SAMD5: variants seen among roughly 807,000 people sequenced by gnomAD.
SAMD5 encodes sterile alpha motif domain-containing protein 5.
In SAMD5, 13 loss-of-function variants were observed where a neutral mutation model predicts 11.3. The ratio of observed to expected loss-of-function variants is 1.15; its 90% CI spans 0.75 to 1.83. The LOEUF (loss-of-function observed/expected upper bound fraction) is 1.83, where lower values mean the gene tolerates loss of function less well. Ranked by LOEUF, SAMD5 falls within the 40% of genes most tolerant of loss-of-function variation. The pLI is 0.00. For missense variants in SAMD5, 255 were observed against 239.1 expected, an observed-to-expected ratio of 1.07 and a Z score of -0.44; for synonymous variants, 129 against 111.3, an observed-to-expected ratio of 1.16 and a Z score of -1.00.
At chr6:147,686,610 C>A (rs1433543516) in intron 1 of SAMD5, among the ~76,000 whole-genome samples, 1 of 152,030 alleles carries the variant, frequency 6.6e-6, no homozygotes, top group African/African-American at 2.4e-5. Flanking sequence ...TTTCTGGTTC[C>A]TTTATACTGT....
Position 147,529,416 on chromosome 6 carries a change from T to G in SAMD5, c.459+20029T>G, listed in dbSNP as rs180790498. Reference sequence around the variant, plus strand: ...AGAGTTCGATGAATACCAATTTAAATGTAATTTAGGTGTATTTATCTTCTA... The same window carrying G: ...AGAGTTCGATGAATACCAATTTAAAGGTAATTTAGGTGTATTTATCTTCTA... On this transcript the variant is annotated intron_variant, in intron 1 of 1. Coordinates refer to ENST00000367474, the MANE Select transcript of SAMD5 (RefSeq NM_001030060.3). 5.4e-3 allele frequency among the ~76,000 whole-genome samples: 826 copies of G among 152,338 alleles called. 6 individuals carry two copies. The highest frequency in any genetic ancestry group is 0.018 in the African/African-American group (737 of 41,588).
the SAMD5 span, among the ~76,000 whole-genome samples, chr6:147,897,815 C>T: frequency 5.9e-5 from 9 of 151,698 alleles, no homozygotes; most frequent in African/African-American, 1.9e-4. Flanking sequence ...CCTGGTGTCA[C>T]ACACCTATAA....
intron 1 of SAMD5, among the ~76,000 whole-genome samples, chr6:147,520,185 T>C (rs548129029): frequency 6.6e-6 from 1 of 151,508 alleles, no homozygotes; most frequent in Admixed American, 6.6e-5. Context: ...AGGCACCATC[T>C]TGGCTCACTG....
intron 1 of SAMD5, among the ~76,000 whole-genome samples, chr6:147,676,374 TC>T (rs1327386470): frequency 3.3e-5 from 5 of 152,130 alleles, no homozygotes; most frequent in Non-Finnish European, 7.4e-5. Flanking sequence ...TGCTGAAAGA[TC>T]ATCTATTCAG....
At chr6:147,511,682 G>T (rs751795911) in intron 1 of SAMD5, among the ~76,000 whole-genome samples, 6 of 150,452 alleles carry the variant, frequency 4.0e-5, no homozygotes, top group Non-Finnish European at 8.8e-5. Context: ...ACTGAAATAG[G>T]AATTAAAATA....
At chr6:147,932,687 G>C in the SAMD5 span, among the ~76,000 whole-genome samples, 1 of 151,082 alleles carries the variant, frequency 6.6e-6, no homozygotes, top group Non-Finnish European at 1.5e-5. Flanking sequence ...TAGAGGAAAT[G>C]AGGCACACCA....
intron 1 of SAMD5, among the ~76,000 whole-genome samples, chr6:147,655,725 A>AT (rs1299957369): frequency 1.3e-5 from 2 of 152,286 alleles, no homozygotes; most frequent in East Asian, 3.9e-4. Flanking sequence ...TGTCCAACTG[A>AT]TTTTTCATTG....
At chr6:147,950,776 G>A in the SAMD5 span, among the ~76,000 whole-genome samples, 2 of 152,068 alleles carry the variant, frequency 1.3e-5, no homozygotes, top group African/African-American at 4.8e-5. Context: ...AACCCAAACA[G>A]GAAGCAGGCT....
chr6:147,795,855 A>G, the SAMD5 span, among the ~76,000 whole-genome samples: 1,073 of 152,176 alleles, frequency 7.1e-3, 14 homozygotes, highest in African/African-American at 0.024. Context: ...TTGGCTGCAT[A>G]AATGTGTTCT....
chr6:147,895,301 G>A, the SAMD5 span, among the ~76,000 whole-genome samples: 6 of 152,074 alleles, frequency 3.9e-5, no homozygotes, highest in Non-Finnish European at 8.8e-5. Flanking sequence ...TTGTTACAGT[G>A]CTCCAAAAAT....
chr6:147,681,425 A>T (rs1462835609), intron 1 of SAMD5, among the ~76,000 whole-genome samples: 2 of 151,958 alleles, frequency 1.3e-5, no homozygotes. Context: ...TTTAATCTGC[A>T]CAGTTGTTCC....
At chr6:147,540,776 AG>A (rs879281015) in intron 1 of SAMD5, among the ~76,000 whole-genome samples, 23 of 141,348 alleles carry the variant, frequency 1.6e-4, no homozygotes, top group South Asian at 6.7e-4. Flanking sequence ...ACAGAGAGAG[AG>A]GGGGGGGGTC....
chr6:147,608,876 C>T (rs528924633), intron 1 of SAMD5, among the ~76,000 whole-genome samples: 8 of 152,132 alleles, frequency 5.3e-5, no homozygotes, highest in Non-Finnish European at 7.4e-5. Context: ...GCTTATTTCA[C>T]GTTGCATGCC....
the SAMD5 span, among the ~76,000 whole-genome samples, chr6:147,790,974 C>A: frequency 6.6e-6 from 1 of 151,892 alleles, no homozygotes; most frequent in African/African-American, 2.4e-5. Context: ...TAAAAACATC[C>A]GAGATGTCCT....
intron 1 of SAMD5, among the ~76,000 whole-genome samples, chr6:147,646,184 T>C (rs1184551158): frequency 1.3e-5 from 2 of 152,082 alleles, no homozygotes; most frequent in Admixed American, 1.3e-4. Context: ...AAACTTAAAG[T>C]ACCAATACTC....
chr6:147,508,925 C>T lies in SAMD5; in HGVS notation c.-4C>T, dbSNP rs1434684580. ...TGCTCGGCGGCGGGGTTCCCGGTCC[C>T]ACCATGTGCACCAACATAGTTTACG... On this transcript the variant is annotated 5_prime_UTR_variant, in exon 1 of 2. Transcript: ENST00000367474. The T allele has an allele frequency of 6.3e-7, 1 of 1,589,476 alleles. No homozygotes were observed. The highest frequency in any genetic ancestry group is 1.1e-5 in the South Asian group (1 of 87,826).
chr6:147,572,213 G>A (rs1242118289), downstream of SAMD5, among the ~76,000 whole-genome samples: 2 of 150,852 alleles, frequency 1.3e-5, no homozygotes, highest in East Asian at 1.9e-4. Flanking sequence ...TCCTATTTTC[G>A]GGGAACCTGA....
chr6:147,896,750 A>C, the SAMD5 span, among the ~76,000 whole-genome samples: 5 of 115,632 alleles, frequency 4.3e-5, no homozygotes, highest in Non-Finnish European at 6.5e-5. Context: ...AAAAAAAAAA[A>C]AAAAAAAAAA....
At chr6:147,828,117 A>G in the SAMD5 span, among the ~76,000 whole-genome samples, 1,936 of 152,284 alleles carry the variant, frequency 0.013, 34 homozygotes, top group South Asian at 0.039. Flanking sequence ...TGTCTTTGCT[A>G]ACCTTACAAA....
Sources: allele counts gnomAD v4.1 joint callset (sites outside exome capture counted in the v4.1 genomes callset), GRCh38; gene constraint gnomAD v4.1.1; transcripts MANE v1.5; gene names NCBI Gene and HGNC (gene_info 2026-07-23, HGNC 2026-07-21).